The following GRID1 variants were observed in gnomAD, a reference collection of about 807,000 sequenced individuals.
GRID1 encodes the protein glutamate receptor ionotropic, delta-1.
Under a neutral mutation model 98.0 loss-of-function variants are expected in GRID1, and 28 were observed. The observed-to-expected ratio is 0.29, with a 90% confidence interval of 0.21 to 0.39. GRID1 has a LOEUF of 0.39. GRID1 is among the 10% of genes least tolerant of loss of function. GRID1 has a pLI of 1.00. For missense variants in GRID1, 1,111 were observed against 1,340.5 expected (o/e 0.83, Z 2.67); for synonymous variants, 553 against 538.5 (o/e 1.03, Z -0.37).
At chr10:86,007,628 TA>T (rs907166419) in intron 4 of GRID1, among the ~76,000 whole-genome samples, 13 of 152,202 alleles carry the variant, frequency 8.5e-5, no homozygotes, top group South Asian at 2.1e-4. Context: ...AAAAGTCAAT[TA>T]AAAAAATTAA....
At chr10:85,732,403 C>T (rs1232331408) in intron 8 of GRID1, among the ~76,000 whole-genome samples, 3 of 152,192 alleles carry the variant, frequency 2.0e-5, no homozygotes, top group Non-Finnish European at 4.4e-5. Flanking sequence ...GGTGAAGGGG[C>T]ATCTTAATTC....
chr10:86,059,161 G>C (rs1228542665), intron 4 of GRID1, among the ~76,000 whole-genome samples: 1 of 152,226 alleles, frequency 6.6e-6, no homozygotes, highest in East Asian at 1.9e-4. Flanking sequence ...TGTGGTCTCA[G>C]ACAAGGCAGG....
At chr10:85,869,209 C>T (rs1843252910) in intron 5 of GRID1, 29 bp from the exon 6 acceptor site, 2 of 1,595,612 alleles carry the variant, frequency 1.3e-6, no homozygotes, top group East Asian at 4.5e-5. Flanking sequence ...CCATGCTTAC[C>T]ATCCACTCAT....
At chr10:85,894,544 T>C (rs1949344817) in intron 5 of GRID1, among the ~76,000 whole-genome samples, 1 of 152,208 alleles carries the variant, frequency 6.6e-6, no homozygotes, top group African/African-American at 2.4e-5. Context: ...AGATGCATTA[T>C]CATGATTGTG....
chr10:86,130,725 A>C (rs575352629), intron 4 of GRID1, among the ~76,000 whole-genome samples: 1 of 152,290 alleles, frequency 6.6e-6, no homozygotes, highest in East Asian at 1.9e-4. Flanking sequence ...TGTCTGTGTG[A>C]CCTGATTCTT....
At chr10:85,970,575 A>G (rs1411415855) in intron 4 of GRID1, among the ~76,000 whole-genome samples, 1 of 152,102 alleles carries the variant, frequency 6.6e-6, no homozygotes, top group Non-Finnish European at 1.5e-5. Flanking sequence ...AAAACATATG[A>G]TTATCTTTAC....
At chr10:85,876,672 G>T (rs927119545) in intron 5 of GRID1, among the ~76,000 whole-genome samples, 2 of 152,198 alleles carry the variant, frequency 1.3e-5, no homozygotes, top group Non-Finnish European at 2.9e-5. Context: ...AGCTCCCAGC[G>T]TGAGTGACAC....
At chr10:85,833,909 G>T (rs1842891308) in intron 8 of GRID1, among the ~76,000 whole-genome samples, 1 of 152,144 alleles carries the variant, frequency 6.6e-6, no homozygotes, top group South Asian at 2.1e-4. Flanking sequence ...GAGAACAGAT[G>T]AATAAAATGT....
chr10:86,311,395 T>C (rs1025409145), intron 2 of GRID1, among the ~76,000 whole-genome samples: 1 of 152,084 alleles, frequency 6.6e-6, no homozygotes, highest in African/African-American at 2.4e-5. Flanking sequence ...AGCAGATGGG[T>C]GTCACCCATA....
intron 4 of GRID1, among the ~76,000 whole-genome samples, chr10:85,979,189 GC>G (rs1842511789): frequency 6.6e-6 from 1 of 152,062 alleles, no homozygotes; most frequent in Non-Finnish European, 1.5e-5. Flanking sequence ...GTGTCCTCCA[GC>G]CCCCCTCCCA....
chr10:85,862,398 G>A (rs1251852979), intron 6 of GRID1, among the ~76,000 whole-genome samples: 1 of 152,200 alleles, frequency 6.6e-6, no homozygotes. Context: ...AAGTGGTGGT[G>A]GATAGAGGCT....
At chr10:85,951,882 G>T (rs12782728) in intron 4 of GRID1, among the ~76,000 whole-genome samples, 33,020 of 152,198 alleles carry the variant, frequency 0.22, 4,126 homozygotes, top group Non-Finnish European at 0.28. Context: ...AGGACACTCT[G>T]CAGCATCACC....
chr10:86,148,033 C>T (rs1479846019), intron 3 of GRID1, among the ~76,000 whole-genome samples: 1 of 152,348 alleles, frequency 6.6e-6, no homozygotes, highest in East Asian at 1.9e-4. Flanking sequence ...TTCTGCCTCC[C>T]TGTGGGACCT....
At chr10:85,683,856 G>T (rs1171322638) in intron 12 of GRID1, among the ~76,000 whole-genome samples, 1 of 151,832 alleles carries the variant, frequency 6.6e-6, no homozygotes, top group Non-Finnish European at 1.5e-5. Context: ...GACAATGAAG[G>T]TTTTCCCTGT....
Position 86,192,536 on chromosome 10 carries a change from G to A in GRID1, c.520+13828C>T, listed in dbSNP as rs549166261. Among the ~76,000 whole-genome samples, 1 of 131,930 alleles carries A rather than the reference G, an allele frequency of 7.6e-6. No individual in the cohort carries two copies. The highest frequency in any genetic ancestry group is 1.9e-4 in the East Asian group (1 of 5,142). 86.6% of individuals were successfully genotyped at this position (131,930 alleles called of 152,430 possible). A position where few individuals can be genotyped will look rare whatever the true frequency, so the allele number is the denominator to read the frequency against. ...AGTGGGTGCTGAGGGCTGAAGGGAG[G>A]GGGGAGATGGGGGTCTTTGTTGAAT... On this transcript the variant is annotated intron_variant, in intron 3 of 15. Transcript: ENST00000327946. The surrounding 1 kb of genome is among the most constrained non-coding windows in gnomAD (Gnocchi z 4.8).
intron 4 of GRID1, among the ~76,000 whole-genome samples, chr10:86,138,298 G>A (rs1393428818): frequency 3.3e-5 from 5 of 152,250 alleles, no homozygotes; most frequent in East Asian, 3.9e-4. Context: ...CTCCAACCTC[G>A]AACAGAGATG....
chr10:85,620,149 C>T, intron 13 of GRID1, 116 bp from the exon 14 acceptor site: 1 of 782,630 alleles, frequency 1.3e-6, no homozygotes, highest in Admixed American at 2.2e-5. Flanking sequence ...GTCTTCCTAC[C>T]CACCAGACAG....
intron 8 of GRID1, among the ~76,000 whole-genome samples, chr10:85,767,231 C>T (rs1346228436): frequency 6.6e-6 from 1 of 152,098 alleles, no homozygotes; most frequent in Non-Finnish European, 1.5e-5. Context: ...GCCAAGTTGG[C>T]GAAATGTAGC....
At chr10:85,816,598 G>T (rs1014992914) in intron 8 of GRID1, among the ~76,000 whole-genome samples, 1 of 152,214 alleles carries the variant, frequency 6.6e-6, no homozygotes, top group Admixed American at 6.5e-5. Flanking sequence ...ATGTTACCAT[G>T]TTGGTGGATA....
Sources: gnomAD v4.1 joint callset for allele counts (sites outside exome capture counted in the v4.1 genomes callset) on GRCh38, gnomAD v4.1.1 for gene constraint, Gnocchi (gnomAD v3.1) non-coding constraint, MANE v1.5 for transcripts, NCBI Gene and HGNC (gene_info 2026-07-23, HGNC 2026-07-21) for gene names.